Variants in FLRT2 observed in about 807,000 individuals in gnomAD.
The protein encoded by FLRT2 is leucine-rich repeat transmembrane protein FLRT2.
FLRT2 carries 15 observed loss-of-function variants against 40.0 expected under a neutral mutation model. The observed-to-expected ratio is 0.38, with a 90% CI of 0.25 to 0.58. The LOEUF is 0.58. FLRT2 is among the 20% of genes least tolerant of loss of function. The pLI is 0.71. For missense variants in FLRT2, 726 were observed against 840.0 expected, an observed-to-expected ratio of 0.86 and a Z score of 1.68; for synonymous variants, 380 against 336.8, an observed-to-expected ratio of 1.13 and a Z score of -1.41.
intron 1 of FLRT2, among the ~76,000 whole-genome samples, chr14:85,555,645 C>G (rs1157363185): frequency 6.6e-6 from 1 of 151,364 alleles, no homozygotes; most frequent in Non-Finnish European, 1.5e-5. Context: ...GGCACACAGC[C>G]TAACCGTATC....
At chr14:85,572,047 G>A (rs1037641025) in intron 1 of FLRT2, among the ~76,000 whole-genome samples, 10 of 152,168 alleles carry the variant, frequency 6.6e-5, no homozygotes, top group Admixed American at 5.2e-4. Context: ...AGAACCCCCA[G>A]CCTAGACAGC....
At position 85,599,112 on chromosome 14, in the gene FLRT2, G is replaced by A. The variant is rs538426887; in HGVS notation, c.-376-22027G>A. ...TCTTTTTGTATTTTTAGTAGAGACA[G>A]GTTTTCACTGTGTTAGCCAGGATGA... is the stretch of plus-strand genomic sequence containing the variant. On this transcript the variant is annotated intron_variant, in intron 1 of 1. Coordinates refer to ENST00000330753, the MANE Select transcript of FLRT2 (RefSeq NM_013231.6). Among the ~76,000 whole-genome samples the A allele has an allele frequency of 7.2e-5, 11 of 151,788 alleles. No individual in the cohort carries two copies. The South Asian group carries it at 2.3e-3, about 32-fold the overall frequency.
intron 1 of FLRT2, among the ~76,000 whole-genome samples, chr14:85,597,582 G>A (rs1892196087): frequency 6.6e-6 from 1 of 152,158 alleles, no homozygotes; most frequent in African/African-American, 2.4e-5. Context: ...TTAAGATGGA[G>A]TTTTGCTCTT....
At chr14:85,567,030 G>A (rs75371143) in intron 1 of FLRT2, among the ~76,000 whole-genome samples, 20 of 152,150 alleles carry the variant, frequency 1.3e-4, no homozygotes, top group Non-Finnish European at 2.6e-4. Flanking sequence ...AAAGTTGGGG[G>A]AAGGACACAT....
At chr14:85,604,659 GA>G (rs1476991566) in intron 1 of FLRT2, among the ~76,000 whole-genome samples, 1 of 151,950 alleles carries the variant, frequency 6.6e-6, no homozygotes, top group Non-Finnish European at 1.5e-5. Flanking sequence ...AAACTGAGAA[GA>G]TTTTTTTTTG....
At chr14:85,539,853 G>T (rs1047820978) in intron 1 of FLRT2, among the ~76,000 whole-genome samples, 8 of 152,148 alleles carry the variant, frequency 5.3e-5, no homozygotes, top group African/African-American at 7.2e-5. Context: ...AGGAGCTTTC[G>T]CTCTTACGGC....
chr14:85,618,898 T>A (rs2139365031), intron 1 of FLRT2, among the ~76,000 whole-genome samples: 1 of 152,164 alleles, frequency 6.6e-6, no homozygotes, highest in East Asian at 1.9e-4. Context: ...TAGGGAACAT[T>A]AAGATGGTTT....
rs532835004 is a variant in FLRT2, at chr14:85,639,303, T to A, written c.*15806T>A. On this transcript the variant is annotated 3_prime_UTR_variant, in exon 2 of 2. Transcript: ENST00000330753. ...TTTATGAGCATGCCTTCTCGTTAAG[T>A]TGACAAAATCTTGACAGGAGTAAAA... 5.6e-4 allele frequency: 86 copies of A among 152,308 alleles called. No homozygotes were observed. The highest frequency in any genetic ancestry group is 2.1e-3 in the African/African-American group (86 of 41,562). The allele number at this position is 152,308 out of a possible 1,614,324, so 9.4% of individuals were successfully genotyped here. A position where few individuals can be genotyped will look rare whatever the true frequency, so the allele number is the denominator to read the frequency against.
rs190561784 is a variant in FLRT2, at chr14:85,543,928, C to T, written c.-377+13394C>T. The stretch of plus-strand genomic sequence containing the variant: ...AATGTGTCTGCTTACATGTCTATCT[C>T]GCTCATTAGACTTTAGGAACTTTGG... On this transcript the variant is annotated intron_variant, in intron 1 of 1. Coordinates refer to ENST00000330753, the MANE Select transcript of FLRT2 (RefSeq NM_013231.6). 2.0e-5 allele frequency among the ~76,000 whole-genome samples: 3 copies of T among 152,078 alleles called. No individual in the cohort carries two copies. The East Asian group carries it at 5.8e-4, about 29-fold the overall frequency.
At chr14:85,588,457 GTTTT>G (rs11324915) in intron 1 of FLRT2, among the ~76,000 whole-genome samples, 106 of 147,336 alleles carry the variant, frequency 7.2e-4, no homozygotes, top group African/African-American at 2.4e-3. Context: ...CACTAGCTCA[GTTTT>G]TTTTTTTTTT....
In FLRT2 at chr14:85,628,161, C is replaced by T. The variant is rs1019355035; in HGVS notation, c.*4664C>T. On this transcript the variant is annotated 3_prime_UTR_variant, in exon 2 of 2. Coordinates refer to ENST00000330753, the MANE Select transcript of FLRT2 (RefSeq NM_013231.6). The stretch of plus-strand genomic sequence containing the variant: ...CTAAATTGTGTGTTCCTACGAATAC[C>T]TTTTAGGTATGCACACATACACAGA... 4.6e-5 allele frequency: 7 copies of T among 152,150 alleles called. No homozygotes were observed. Among genetic ancestry groups the T allele is most frequent in the Non-Finnish European group, 8.8e-5 (6 of 68,000 alleles). 9.4% of individuals were successfully genotyped at this position (152,150 alleles called of 1,614,324 possible).
intron 1 of FLRT2, among the ~76,000 whole-genome samples, chr14:85,549,810 A>ATT (rs61018495): frequency 7.4e-6 from 1 of 134,906 alleles, no homozygotes; most frequent in African/African-American, 2.8e-5. Context: ...ACACATAGCT[A>ATT]TTTTTTTTTT....
In FLRT2 at chr14:85,610,905, AT is replaced by A. The variant is rs199624615; in HGVS notation, c.-376-10226del. Among the ~76,000 whole-genome samples, 182 of 151,224 alleles carry A rather than the reference AT, an allele frequency of 1.2e-3. 2 individuals carry two copies. The East Asian group carries it at 0.027, about 22-fold the overall frequency. ...CAAGTTTTGTAGTTTTAATTAATGA[AT>A]TTTTTTTGAGACAGAGTGTCACTTT... On this transcript the variant is annotated intron_variant, in intron 1 of 1. Coordinates refer to ENST00000330753, the MANE Select transcript of FLRT2 (RefSeq NM_013231.6).
chr14:85,533,218 G>A (rs1042536103), intron 1 of FLRT2, among the ~76,000 whole-genome samples: 1 of 152,154 alleles, frequency 6.6e-6, no homozygotes, highest in African/African-American at 2.4e-5. Flanking sequence ...AGGGACGGAG[G>A]GAGAGGAGGA....
chr14:85,588,306 T>A (rs1891724715), intron 1 of FLRT2, among the ~76,000 whole-genome samples: 1 of 152,192 alleles, frequency 6.6e-6, no homozygotes, highest in African/African-American at 2.4e-5. Context: ...AACATTTCAG[T>A]AACTGGATGA....
intron 1 of FLRT2, among the ~76,000 whole-genome samples, chr14:85,597,949 T>G (rs1224116146): frequency 6.6e-6 from 1 of 152,232 alleles, no homozygotes; most frequent in Non-Finnish European, 1.5e-5. Flanking sequence ...GTGGTTTATT[T>G]ACAGTCAGAA....
chr14:85,617,738 G>A (rs533728431), intron 1 of FLRT2, among the ~76,000 whole-genome samples: 248 of 152,230 alleles, frequency 1.6e-3, no homozygotes, highest in Middle Eastern at 6.8e-3. Flanking sequence ...GTTGATACAC[G>A]GAACAGAACA....
Position 85,636,390 on chromosome 14 carries a change from G to T in FLRT2, c.*12893G>T. 1.3e-5 allele frequency: 1 copy of T among 75,318 alleles called. No individual in the cohort carries two copies. Among genetic ancestry groups the T allele is most frequent in the African/African-American group, 5.0e-5 (1 of 19,928 alleles). The allele number at this position is 75,318 out of a possible 1,614,324, so 4.7% of individuals were successfully genotyped here. A position where few individuals can be genotyped will look rare whatever the true frequency, so the allele number is the denominator to read the frequency against. On this transcript the variant is annotated 3_prime_UTR_variant, in exon 2 of 2. Coordinates refer to ENST00000330753, the MANE Select transcript of FLRT2 (RefSeq NM_013231.6). ...AAAATCAAAGGTGAAGTCACCTGCA[G>T]AAAAAAAAAAAAAAAAAACAAAAAA...
At chr14:85,580,565 C>T (rs995690716) in intron 1 of FLRT2, among the ~76,000 whole-genome samples, 3 of 152,252 alleles carry the variant, frequency 2.0e-5, no homozygotes, top group South Asian at 2.1e-4. Flanking sequence ...TTAAAGTTAA[C>T]GGTTTGTCTT....
Sources: allele counts gnomAD v4.1 joint callset (sites outside exome capture counted in the v4.1 genomes callset), GRCh38; gene constraint gnomAD v4.1.1; transcripts MANE v1.5; gene names NCBI Gene and HGNC (gene_info 2026-07-23, HGNC 2026-07-21).